The following THSD7B variants were observed in gnomAD, a reference collection of about 807,000 sequenced individuals.
The protein encoded by THSD7B is thrombospondin type 1 domain containing 7B.
In THSD7B, 138 loss-of-function variants were observed where a neutral mutation model predicts 213.6. The ratio of observed to expected loss-of-function variants is 0.65; its 90% CI spans 0.56 to 0.74. The LOEUF (loss-of-function observed/expected upper bound fraction) is 0.74, where lower values mean the gene tolerates loss of function less well. Among genes scored for constraint, THSD7B ranks in the 30% least tolerant of loss-of-function variants. THSD7B has a pLI of 0.00. For synonymous variants in THSD7B, 742 were observed against 687.0 expected, an observed-to-expected ratio of 1.08 and a Z score of -1.25; for missense variants, 1,931 against 1,991.5, an observed-to-expected ratio of 0.97 and a Z score of 0.58.
intron 14 of THSD7B, among the ~76,000 whole-genome samples, chr2:137,428,801 C>T (rs977291665): frequency 6.6e-6 from 1 of 151,994 alleles, no homozygotes; most frequent in African/African-American, 2.4e-5. Context: ...AACTTAATTC[C>T]CAATATAATA....
intron 12 of THSD7B, among the ~76,000 whole-genome samples, chr2:137,343,618 G>A (rs1411572203): frequency 6.6e-6 from 1 of 151,684 alleles, no homozygotes; most frequent in Non-Finnish European, 1.5e-5. Flanking sequence ...TTTGTCCCCA[G>A]ATACTGCCAC....
At chr2:137,364,195 G>A (rs982052588) in intron 12 of THSD7B, among the ~76,000 whole-genome samples, 16 of 151,492 alleles carry the variant, frequency 1.1e-4, no homozygotes, top group African/African-American at 3.9e-4. Context: ...TCATGCTAAA[G>A]CCTTCATGCT....
At chr2:137,369,064 T>G (rs376068860) in intron 12 of THSD7B, among the ~76,000 whole-genome samples, 76 of 150,590 alleles carry the variant, frequency 5.0e-4, no homozygotes, top group African/African-American at 1.9e-3. Flanking sequence ...CTTACTTTTT[T>G]GAAGTTGTTT....
chr2:137,286,547 C>T (rs1035957288), intron 12 of THSD7B, among the ~76,000 whole-genome samples: 1 of 152,160 alleles, frequency 6.6e-6, no homozygotes, highest in African/African-American at 2.4e-5. Context: ...GTTTGAGCTG[C>T]AGTTTTATTT....
intron 14 of THSD7B, among the ~76,000 whole-genome samples, chr2:137,417,115 G>T (rs1468582377): frequency 6.6e-6 from 1 of 152,052 alleles, no homozygotes; most frequent in East Asian, 1.9e-4. Context: ...ATATAAGTAG[G>T]TATAGATAGA....
intron 1 of THSD7B, among the ~76,000 whole-genome samples, chr2:136,844,490 G>GAC (rs1553452621): frequency 3.3e-5 from 5 of 149,486 alleles, no homozygotes; most frequent in African/African-American, 1.3e-4. Flanking sequence ...GAGAGAGAGA[G>GAC]AGAGACAGAG....
At chr2:137,085,843 T>A (rs1278453167) in intron 3 of THSD7B, among the ~76,000 whole-genome samples, 1 of 151,814 alleles carries the variant, frequency 6.6e-6, no homozygotes, top group Non-Finnish European at 1.5e-5. Context: ...GAAGGATAAA[T>A]CAAGAAATTT....
chr2:136,833,874 CTAAT>C (rs1682800109), intron 1 of THSD7B, among the ~76,000 whole-genome samples: 1 of 152,128 alleles, frequency 6.6e-6, no homozygotes, highest in South Asian at 2.1e-4. Flanking sequence ...GTAAAATTCA[CTAAT>C]TAATAAAAAT....
At chr2:136,818,738 C>A (rs1682523243) in intron 1 of THSD7B, among the ~76,000 whole-genome samples, 1 of 151,902 alleles carries the variant, frequency 6.6e-6, no homozygotes, top group African/African-American at 2.4e-5. Context: ...AGTGTTAAGG[C>A]CAATGGTATA....
intron 2 of THSD7B, among the ~76,000 whole-genome samples, chr2:136,983,482 G>A (rs938949072): frequency 2.0e-5 from 3 of 147,366 alleles, no homozygotes; most frequent in Non-Finnish European, 4.4e-5. Flanking sequence ...CAATACTTCA[G>A]CTAGAACCCA....
intron 17 of THSD7B, 123 bp downstream of exon 17, chr2:137,572,679 CTT>C: frequency 8.2e-7 from 1 of 1,218,062 alleles, no homozygotes; most frequent in Non-Finnish European, 1.1e-6. Flanking sequence ...TAATTTTTTT[CTT>C]TTTGAGAAAT....
At chr2:136,837,189 G>T (rs1396386346) in intron 1 of THSD7B, among the ~76,000 whole-genome samples, 2 of 152,060 alleles carry the variant, frequency 1.3e-5, no homozygotes, top group Non-Finnish European at 2.9e-5. Flanking sequence ...GTCATCCCCT[G>T]TCTTCCAAGG....
intron 7 of THSD7B, among the ~76,000 whole-genome samples, chr2:137,198,172 C>T (rs915333509): frequency 6.6e-6 from 1 of 152,118 alleles, no homozygotes; most frequent in Non-Finnish European, 1.5e-5. Flanking sequence ...ATCAGAAATT[C>T]TTCAGAGATG....
chr2:136,835,682 C>G (rs1682831221), intron 1 of THSD7B, among the ~76,000 whole-genome samples: 1 of 152,052 alleles, frequency 6.6e-6, no homozygotes, highest in South Asian at 2.1e-4. Context: ...GTAAAGAATA[C>G]CTAAAATAAC....
intron 2 of THSD7B, among the ~76,000 whole-genome samples, chr2:136,892,112 C>T (rs1165062353): frequency 2.6e-5 from 4 of 152,080 alleles, no homozygotes; most frequent in Admixed American, 6.5e-5. Context: ...TCTGAAGGCT[C>T]TCAGAGTAAG....
At chr2:137,303,738 A>T (rs868530797) in intron 12 of THSD7B, among the ~76,000 whole-genome samples, 1 of 137,692 alleles carries the variant, frequency 7.3e-6, no homozygotes, top group African/African-American at 2.9e-5. Flanking sequence ...TTATATATAT[A>T]TTTATATATA....
intron 2 of THSD7B, among the ~76,000 whole-genome samples, chr2:136,896,763 T>A (rs1212664154): frequency 6.6e-6 from 1 of 152,110 alleles, no homozygotes; most frequent in African/African-American, 2.4e-5. Flanking sequence ...CATGTGGCTA[T>A]TCAATTGTGC....
chr2:137,157,156 G>A (rs1679925560), intron 5 of THSD7B, among the ~76,000 whole-genome samples: 1 of 152,200 alleles, frequency 6.6e-6, no homozygotes, highest in South Asian at 2.1e-4. Context: ...ACTTGTCTGA[G>A]TCCAGTGGGA....
chr2:137,408,637 G>T (rs75738047), intron 13 of THSD7B, among the ~76,000 whole-genome samples: 1 of 152,160 alleles, frequency 6.6e-6, no homozygotes, highest in African/African-American at 2.4e-5. Context: ...TTATTTTACA[G>T]ATCTGTAGTG....
Sources: gnomAD v4.1 joint callset for allele counts (sites outside exome capture counted in the v4.1 genomes callset) on GRCh38, gnomAD v4.1.1 for gene constraint, MANE v1.5 for transcripts, NCBI Gene and HGNC (gene_info 2026-07-23, HGNC 2026-07-21) for gene names.